PPA2: variants seen among roughly 807,000 people sequenced by gnomAD.
PPA2 encodes the protein inorganic pyrophosphatase 2, also known as inorganic pyrophosphatase 2, mitochondrial.
In PPA2, 48 loss-of-function variants were observed where a neutral mutation model predicts 49.5. That is an observed-to-expected ratio of 0.97 (90% CI 0.77 to 1.23). The LOEUF (loss-of-function observed/expected upper bound fraction) is 1.23, where lower values mean the gene tolerates loss of function less well. Among genes scored for constraint, PPA2 ranks in the 50% most tolerant of loss-of-function variants. PPA2 has a pLI of 0.00. For missense variants in PPA2, 429 were observed against 410.1 expected (o/e 1.05, Z -0.40); for synonymous variants, 131 against 139.9 (o/e 0.94, Z 0.45).
intron 10 of PPA2, among the ~76,000 whole-genome samples, chr4:105,372,876 ATAGTT>A (rs1733082926): frequency 6.6e-6 from 1 of 152,240 alleles, no homozygotes; most frequent in Non-Finnish European, 1.5e-5. Context: ...CAAATCATAA[ATAGTT>A]TAAAGTTATT....
chr4:105,462,319 G>C (rs1403697837), intron 1 of PPA2, among the ~76,000 whole-genome samples: 1 of 152,126 alleles, frequency 6.6e-6, no homozygotes, highest in African/African-American at 2.4e-5. Context: ...CGAAGCTCAG[G>C]CTGCTTGTTT....
At chr4:105,405,699 TC>T in intron 7 of PPA2, 1 of 870,398 alleles carries the variant, frequency 1.1e-6, no homozygotes, top group Non-Finnish European at 1.4e-6. Flanking sequence ...TTCAATGTAC[TC>T]CCTCAGGCTA....
intron 9 of PPA2, among the ~76,000 whole-genome samples, chr4:105,395,753 T>C (rs1734113391): frequency 6.6e-6 from 1 of 152,094 alleles, no homozygotes; most frequent in African/African-American, 2.4e-5. Context: ...TATGTTAGAG[T>C]GTATATAAAA....
intron 7 of PPA2, chr4:105,405,669 G>A (rs1722434324): frequency 2.0e-6 from 2 of 998,066 alleles, no homozygotes; most frequent in Non-Finnish European, 2.4e-6. Flanking sequence ...CTTTTGACAG[G>A]AGGGGCACTA....
At position 105,396,917 on chromosome 4, in the gene PPA2, G is replaced by C. The variant is rs563248752; in HGVS notation, c.784-583C>G. 2.0e-5 allele frequency among the ~76,000 whole-genome samples: 3 copies of C among 152,246 alleles called. No homozygotes were observed. The East Asian group carries it at 5.8e-4, about 29-fold the overall frequency. On this transcript the variant is annotated intron_variant, in intron 8 of 11. Transcript: ENST00000341695. ...CAAAACTGCAGGCAGTCTAAATGTA[G>C]TTTTTTCAATCGAAGTAATTTTAGA...
chr4:105,381,276 C>T (rs973106663), intron 10 of PPA2, among the ~76,000 whole-genome samples: 15 of 152,084 alleles, frequency 9.9e-5, no homozygotes, highest in African/African-American at 3.6e-4. Flanking sequence ...ATTTTAGATG[C>T]CAGTCCTTTT....
At chr4:105,415,766 C>T (rs1292793788) in intron 7 of PPA2, among the ~76,000 whole-genome samples, 2 of 152,206 alleles carry the variant, frequency 1.3e-5, no homozygotes, top group East Asian at 1.9e-4. Context: ...CTGCTCCAGA[C>T]GGGCCACTGC....
intron 7 of PPA2, among the ~76,000 whole-genome samples, chr4:105,406,656 T>C (rs1395369492): frequency 1.3e-5 from 2 of 152,188 alleles, no homozygotes; most frequent in Non-Finnish European, 2.9e-5. Flanking sequence ...TCCATGCATA[T>C]GAAAGTCTCA....
chr4:105,416,830 T>C (rs183196391), intron 7 of PPA2, among the ~76,000 whole-genome samples: 2 of 152,288 alleles, frequency 1.3e-5, no homozygotes, highest in African/African-American at 4.8e-5. Context: ...CTCCTTTTCA[T>C]AAATTGTACT....
intron 8 of PPA2, chr4:105,398,769 A>T: frequency 3.9e-6 from 1 of 254,798 alleles, no homozygotes; most frequent in Non-Finnish European, 7.3e-6. Context: ...TTGCAAAATT[A>T]GTCTGATCAT....
At chr4:105,451,273 A>C (rs1398403995) in intron 3 of PPA2, among the ~76,000 whole-genome samples, 1 of 152,244 alleles carries the variant, frequency 6.6e-6, no homozygotes, top group East Asian at 1.9e-4. Flanking sequence ...TGTTATTTCA[A>C]AGAATGCTAT....
intron 9 of PPA2, among the ~76,000 whole-genome samples, chr4:105,393,076 A>T (rs1021769208): frequency 1.3e-5 from 2 of 152,220 alleles, no homozygotes; most frequent in Non-Finnish European, 1.5e-5. Context: ...AAGCACAGTG[A>T]CAAGTGGCCT....
rs763587548 is a variant in PPA2 at position 105,369,675 on chromosome 4, T to TG, written c.*49dup. On this transcript the variant is annotated 3_prime_UTR_variant, in exon 12 of 12. Coordinates refer to ENST00000341695, the MANE Select transcript of PPA2 (RefSeq NM_176869.3). ...CATAGACCCCCTTGTCTCTAGCACT[T>TG]GGAGTCCTTAGAGATGGGAATCTTG... 472 of 1,529,824 alleles carry TG rather than the reference T, an allele frequency of 3.1e-4. 2 individuals carry two copies. Among genetic ancestry groups the TG allele is most frequent in the Non-Finnish European group, 4.1e-4 (454 of 1,103,500 alleles). The allele number at this position is 1,529,824 out of a possible 1,614,324, so 94.8% of individuals were successfully genotyped here. A position where few individuals can be genotyped will look rare whatever the true frequency, so the allele number is the denominator to read the frequency against.
Position 105,454,083 on chromosome 4 carries a change from C to T in PPA2, c.223-441G>A, listed in dbSNP as rs574762136. The stretch of plus-strand genomic sequence containing the variant: ...CCAAGGTGTGATTACTAGGCCTCCA[C>T]CAAGCACTTTTTTTCTTTTTTCTTT... On this transcript the variant is annotated intron_variant, in intron 2 of 11. Coordinates refer to ENST00000341695, the MANE Select transcript of PPA2 (RefSeq NM_176869.3). 3.3e-5 allele frequency among the ~76,000 whole-genome samples: 5 copies of T among 152,248 alleles called. No individual in the cohort carries two copies. In the South Asian group the frequency reaches 8.3e-4, roughly 25 times the overall value.
intron 4 of PPA2, among the ~76,000 whole-genome samples, chr4:105,447,320 A>G (rs774793619): frequency 6.6e-6 from 1 of 152,200 alleles, no homozygotes; most frequent in Non-Finnish European, 1.5e-5. Context: ...GTTCTCACCT[A>G]TATGTGGAAT....
chr4:105,403,174 C>T (rs1032188341), intron 7 of PPA2, among the ~76,000 whole-genome samples: 4 of 152,194 alleles, frequency 2.6e-5, no homozygotes, highest in Admixed American at 2.6e-4. Context: ...CAAGTGTGCA[C>T]CACCATGCTT....
chr4:105,419,631 TAGTTTA>T (rs1293563976), intron 7 of PPA2, among the ~76,000 whole-genome samples: 1 of 152,230 alleles, frequency 6.6e-6, no homozygotes, highest in Non-Finnish European at 1.5e-5. Context: ...ATGCAATGGC[TAGTTTA>T]AGTTCAGTCA....
intron 7 of PPA2, among the ~76,000 whole-genome samples, chr4:105,415,078 TGTGCTG>T (rs1722943781): frequency 6.6e-6 from 1 of 152,096 alleles, no homozygotes; most frequent in South Asian, 2.1e-4. Flanking sequence ...GGAGGAAGTG[TGTGCTG>T]ATTGGCCCAT....
At chr4:105,462,033 T>C (rs529397339) in intron 1 of PPA2, among the ~76,000 whole-genome samples, 19 of 152,314 alleles carry the variant, frequency 1.2e-4, no homozygotes, top group Non-Finnish European at 2.5e-4. Flanking sequence ...GTATTAAAAT[T>C]CTCTAAAGGT....
Sources: allele counts gnomAD v4.1 joint callset (sites outside exome capture counted in the v4.1 genomes callset), GRCh38; gene constraint gnomAD v4.1.1; transcripts MANE v1.5; gene names NCBI Gene and HGNC (gene_info 2026-07-23, HGNC 2026-07-21).